The following USP24 variants were observed in gnomAD, a reference collection of about 807,000 sequenced individuals.
USP24 encodes the protein ubiquitin specific peptidase 24, also known as ubiquitin carboxyl-terminal hydrolase 24.
In USP24, 97 loss-of-function variants were observed where a neutral mutation model predicts 361.6. The observed-to-expected ratio is 0.27, with a 90% CI of 0.23 to 0.32. The LOEUF (loss-of-function observed/expected upper bound fraction) is 0.32, where lower values mean the gene tolerates loss of function less well. USP24 is among the 10% of genes least tolerant of loss of function. USP24 has a pLI of 1.00. For missense variants in USP24, 2,353 were observed against 3,165.6 expected, an observed-to-expected ratio of 0.74 and a Z score of 6.16; for synonymous variants, 1,098 against 1,124.6, an observed-to-expected ratio of 0.98 and a Z score of 0.47.
In USP24 at chr1:55,106,247, T is replaced by A; in HGVS notation, c.4779A>T (p.Lys1593Asn). ...GGAAAAGGAAGTCATCTAACAATGG[T>A]TTAATGAGTGATGAACCTGGAATAG... The part of the protein sequence containing the change: ...EKEMLGSSLI[K>N]PLLDDFLFRA... The change falls in exon 41 of 68, where the codon AAA (lysine) becomes AAT (asparagine). Residue 1593 changes from lysine to asparagine, a missense_variant. Transcript: ENST00000294383. The A allele has an allele frequency of 6.2e-7, 1 of 1,610,986 alleles. No homozygotes were observed. Among genetic ancestry groups the A allele is most frequent in the Non-Finnish European group, 8.5e-7 (1 of 1,177,218 alleles).
intron 24 of USP24, among the ~76,000 whole-genome samples, chr1:55,140,666 A>G (rs1161842112): frequency 1.3e-5 from 2 of 152,212 alleles, no homozygotes; most frequent in Admixed American, 6.5e-5. Context: ...CCCGTTGTGA[A>G]TAAGAATAGC....
intron 3 of USP24, among the ~76,000 whole-genome samples, chr1:55,174,833 T>C (rs1369572307): frequency 1.3e-5 from 2 of 152,074 alleles, no homozygotes; most frequent in African/African-American, 4.8e-5. Context: ...GTCTCACATG[T>C]TGCCCAGGCT....
intron 66 of USP24, 90 bp from the exon 67 acceptor site, chr1:55,072,014 T>G: frequency 8.6e-7 from 1 of 1,159,520 alleles, no homozygotes; most frequent in Non-Finnish European, 1.3e-6. Flanking sequence ...CATCTGACCT[T>G]CAGTGGGACC....
Position 55,107,340 on chromosome 1 carries a change from G to A in USP24, c.4661C>T (p.Ala1554Val). 6.2e-7 allele frequency: 1 copy of A among 1,613,906 alleles called. No individual in the cohort carries two copies. ...WLDNFEPNRT[A>V]ECETSEADNI... ...GTCCGCTTCACTGGTCTCACATTCA[G>A]CTGTACGATTAGGTTCAAAGTTATC... Residue 1554 changes from alanine to valine, a missense_variant, in exon 40 of 68, where the codon GCT becomes GTT. Around this residue, in one of 8 missense-constraint regions of USP24, gnomAD observed 949 missense variants for 1,280.5 expected, o/e 0.74. Coordinates refer to ENST00000294383, the MANE Select transcript of USP24 (RefSeq NM_015306.3).
Position 55,175,429 on chromosome 1 carries a change from T to C in USP24, c.558+947A>G, listed in dbSNP as rs375157448. 2.0e-4 allele frequency among the ~76,000 whole-genome samples: 30 copies of C among 152,178 alleles called. No individual in the cohort carries two copies. The South Asian group carries it at 6.2e-3, about 32-fold the overall frequency. The stretch of plus-strand genomic sequence containing the variant: ...TTTTAGTAGAGATAGGGTTTCACTA[T>C]GTTGGCCAGGCTGGTCTTGAACTCC... On this transcript the variant is annotated intron_variant, in intron 3 of 67. Transcript: ENST00000294383.
chr1:55,188,638 A>T (rs749511011), intron 1 of USP24, among the ~76,000 whole-genome samples: 1 of 152,010 alleles, frequency 6.6e-6, no homozygotes, highest in Non-Finnish European at 1.5e-5. Flanking sequence ...ACCACTTCAC[A>T]CCTACTAGGA....
intron 5 of USP24, among the ~76,000 whole-genome samples, chr1:55,167,637 G>A (rs1649017613): frequency 6.6e-6 from 1 of 152,174 alleles, no homozygotes; most frequent in African/African-American, 2.4e-5. Context: ...GAACGCCAGT[G>A]CAGTGTCTAG....
In USP24 at chr1:55,067,838, C is replaced by T. The variant is rs1455193064; in HGVS notation, c.*1207G>A. 1.3e-5 allele frequency: 2 copies of T among 152,236 alleles called. No individual in the cohort carries two copies. Among genetic ancestry groups the T allele is most frequent in the Non-Finnish European group, 2.9e-5 (2 of 68,044 alleles). 9.4% of individuals were successfully genotyped at this position (152,236 alleles called of 1,614,324 possible). ...TATGTGGGTGTAAACCTCTCCCCCA[C>T]ACCATAAAAGGGAGCTGGTATAAAT... On this transcript the variant is annotated 3_prime_UTR_variant, in exon 68 of 68. Transcript: ENST00000294383.
intron 16 of USP24, among the ~76,000 whole-genome samples, chr1:55,149,707 T>C (rs925536304): frequency 2.6e-5 from 4 of 152,210 alleles, no homozygotes; most frequent in African/African-American, 9.6e-5. Context: ...AGTAAGTTTT[T>C]ATATAGCTGT....
chr1:55,195,521 T>G (rs990447298), intron 1 of USP24, among the ~76,000 whole-genome samples: 2 of 152,200 alleles, frequency 1.3e-5, no homozygotes, highest in African/African-American at 4.8e-5. Context: ...CTCCTGTCTT[T>G]CAGGGAAAAA....
At chr1:55,179,622 C>T (rs912191059) in intron 1 of USP24, among the ~76,000 whole-genome samples, 3 of 152,202 alleles carry the variant, frequency 2.0e-5, no homozygotes, top group African/African-American at 7.2e-5. Flanking sequence ...CATCTAGTAG[C>T]ATAGCCAGAA....
chr1:55,214,420 T>C (rs541421902), intron 1 of USP24, among the ~76,000 whole-genome samples: 2 of 151,700 alleles, frequency 1.3e-5, no homozygotes, highest in African/African-American at 2.4e-5. Flanking sequence ...ACTGCACGCA[T>C]CCTTCCCACT....
chr1:55,100,813 A>G (rs761562471), intron 44 of USP24, 26 bp downstream of exon 44: 3 of 1,574,004 alleles, frequency 1.9e-6, no homozygotes, highest in African/African-American at 2.7e-5. Flanking sequence ...ACATCTTTAA[A>G]TCTCAAGAGT....
At chr1:55,211,376 A>T (rs919361640) in intron 1 of USP24, among the ~76,000 whole-genome samples, 1 of 152,220 alleles carries the variant, frequency 6.6e-6, no homozygotes. Context: ...GAACATTTAC[A>T]TCCAACAATA....
intron 39 of USP24, among the ~76,000 whole-genome samples, chr1:55,109,481 C>A (rs1414024343): frequency 6.6e-6 from 1 of 152,208 alleles, no homozygotes; most frequent in Non-Finnish European, 1.5e-5. Context: ...ATTTGAACAA[C>A]TAACCATACG....
chr1:55,148,134 C>A (rs1041395274), intron 17 of USP24, among the ~76,000 whole-genome samples: 8 of 151,940 alleles, frequency 5.3e-5, no homozygotes, highest in African/African-American at 1.7e-4. Flanking sequence ...TTTAAGCAAA[C>A]TAATCTTTTT....
At chr1:55,156,708 C>T (rs933197856) in intron 12 of USP24, among the ~76,000 whole-genome samples, 8 of 152,128 alleles carry the variant, frequency 5.3e-5, no homozygotes, top group Admixed American at 5.2e-4. Flanking sequence ...ATATGACCTT[C>T]TCATTTTTTA....
At chr1:55,082,873 T>C (rs1189894633) in intron 58 of USP24, among the ~76,000 whole-genome samples, 1 of 152,140 alleles carries the variant, frequency 6.6e-6, no homozygotes, top group Admixed American at 6.5e-5. Flanking sequence ...TGCACTATCA[T>C]TCAGTTTATA....
At chr1:55,083,426 A>G (rs900740981) in intron 57 of USP24, 62 bp from the exon 58 acceptor site, 1 of 1,506,242 alleles carries the variant, frequency 6.6e-7, no homozygotes, top group African/African-American at 1.4e-5. Context: ...TGGTTTTAAA[A>G]ACACAGCTAA....
Sources: gnomAD v4.1 joint callset for allele counts (sites outside exome capture counted in the v4.1 genomes callset) on GRCh38, gnomAD v4.1.1 for gene constraint, gnomAD v4.1.1 regional missense constraint, MANE v1.5 for transcripts, NCBI Gene and HGNC (gene_info 2026-07-23, HGNC 2026-07-21) for gene names.